The following DNAH3 variants were observed in gnomAD, a reference collection of about 807,000 sequenced individuals.
DNAH3 encodes dynein axonemal heavy chain 3.
DNAH3 carries 332 observed loss-of-function variants against 432.5 expected under a neutral mutation model. That is an observed-to-expected ratio of 0.77 (90% CI 0.70 to 0.84). DNAH3 has a LOEUF of 0.84. Among genes scored for constraint, DNAH3 ranks in the 40% least tolerant of loss-of-function variants. The probability of loss-of-function intolerance (pLI) is 0.00; values close to 1 mark genes in which losing one functional copy is unlikely to be tolerated. For synonymous variants in DNAH3, 1,956 were observed against 1,900.2 expected (o/e 1.03, Z -0.76); for missense variants, 4,861 against 5,114.0 (o/e 0.95, Z 1.51).
intron 39 of DNAH3, among the ~76,000 whole-genome samples, chr16:21,024,190 C>A (rs1225852623): frequency 6.6e-6 from 1 of 152,090 alleles, no homozygotes; most frequent in East Asian, 1.9e-4. Context: ...GTGCAGAGTC[C>A]AGGTTACAGG....
At chr16:21,049,597 G>A (rs373934227) in exon 31 of DNAH3, 21 of 1,613,968 alleles carry the variant, frequency 1.3e-5, no homozygotes, top group African/African-American at 8.0e-5. Flanking sequence ...ATCAAAGCAC[G>A]CCCATGCTCC....
At position 21,120,883 on chromosome 16, in the gene DNAH3, CA is replaced by C. The variant is rs767313255; in HGVS notation, c.1585-30del. 1.9e-5 allele frequency: 30 copies of C among 1,545,846 alleles called. No individual in the cohort carries two copies. In the East Asian group the frequency reaches 6.3e-4, roughly 33 times the overall value. On this transcript the variant is annotated intron_variant, in intron 10 of 61. Transcript: ENST00000261383. ...TCCCCATACATAGTCATCCAAATTA[CA>C]GGGTCTTTTCTTCCATTTCCTTCCT...
rs576429558 is a variant in DNAH3, at chr16:21,000,260, C to T, written c.6385G>A (p.Gly2129Arg). The T allele has an allele frequency of 1.6e-5, 26 of 1,613,956 alleles. No individual in the cohort carries two copies. In the African/African-American group the frequency reaches 2.1e-4, roughly 13 times the overall value. ...ACTGCTTTCTTCCCTATGGGAGGCC[C>T]GAAAAGGCCCTTCCGTCGTCGATCC... Residue 2129 changes from glycine to arginine, a missense_variant, in exon 43 of 62, where the codon GGG becomes AGG. Physicochemically the swap from Gly to Arg is moderately radical, Grantham distance 125. Coordinates refer to ENST00000261383, the Ensembl canonical transcript of DNAH3.
intron 46 of DNAH3, 113 bp downstream of exon 46, chr16:20,987,580 G>A: frequency 2.6e-6 from 4 of 1,532,510 alleles, no homozygotes; most frequent in Non-Finnish European, 3.6e-6. Flanking sequence ...TTAGCACAAT[G>A]CCTAGCATAG....
At chr16:21,038,004 C>A in intron 33 of DNAH3, 24 bp from the exon 34 acceptor site, 2 of 1,604,556 alleles carry the variant, frequency 1.2e-6, no homozygotes, top group South Asian at 1.1e-5. Context: ...GACATGTATG[C>A]GGACACCCAG....
intron 14 of DNAH3, among the ~76,000 whole-genome samples, chr16:21,109,451 TCA>T (rs1255413388): frequency 3.3e-5 from 5 of 152,194 alleles, no homozygotes; most frequent in Non-Finnish European, 5.9e-5. Context: ...GGGAAGATGG[TCA>T]CTAGTATTAT....
chr16:21,113,253 C>G (rs554282746), intron 12 of DNAH3, among the ~76,000 whole-genome samples: 1 of 152,238 alleles, frequency 6.6e-6, no homozygotes, highest in Non-Finnish European at 1.5e-5. Context: ...GTAGTTGAAT[C>G]ATAGGGCTGG....
exon 40 of DNAH3, chr16:21,022,021 G>A (rs756763366): frequency 6.8e-6 from 11 of 1,613,918 alleles, no homozygotes; most frequent in South Asian, 2.2e-5. Flanking sequence ...GTGGATGGGA[G>A]ATGTCTGGAC....
chr16:21,030,983 T>C (rs1272889158), intron 37 of DNAH3, 62 bp downstream of exon 37: 1 of 1,557,668 alleles, frequency 6.4e-7, no homozygotes, highest in African/African-American at 1.4e-5. Context: ...GATCAATCAC[T>C]TACTTCAATA....
chr16:20,980,245 A>AATATACATC (rs2085812772), intron 49 of DNAH3, among the ~76,000 whole-genome samples: 1 of 133,218 alleles, frequency 7.5e-6, no homozygotes, highest in Non-Finnish European at 1.6e-5. Context: ...TTATATATAT[A>AATATACATC]ATATACATCA....
At chr16:20,970,034 G>T in intron 51 of DNAH3, 44 bp from the exon 52 acceptor site, 2 of 1,578,132 alleles carry the variant, frequency 1.3e-6, no homozygotes, top group South Asian at 1.1e-5. Flanking sequence ...CCCAGGGCCT[G>T]GCACAATGGG....
intron 31 of DNAH3, 147 bp from the exon 32 acceptor site, chr16:21,042,350 G>A: frequency 1.3e-6 from 1 of 741,696 alleles, no homozygotes; most frequent in Non-Finnish European, 2.1e-6. Flanking sequence ...ATGATTTGGG[G>A]TTTTGGTAAG....
chr16:21,081,751 A>G (rs777201823), intron 19 of DNAH3, 24 bp from the exon 20 acceptor site: 3 of 1,604,446 alleles, frequency 1.9e-6, no homozygotes, highest in African/African-American at 2.7e-5. Context: ...AGGAAAGCAA[A>G]TGTTTGTTGT....
intron 57 of DNAH3, 72 bp downstream of exon 57, chr16:20,948,411 C>T (rs1041718027): frequency 1.3e-6 from 2 of 1,506,138 alleles, no homozygotes; most frequent in African/African-American, 1.4e-5. Context: ...GGCTACACTG[C>T]AGCCCTGTAG....
chr16:21,050,241 C>T (rs533096350), intron 29 of DNAH3, among the ~76,000 whole-genome samples: 7 of 152,164 alleles, frequency 4.6e-5, no homozygotes, highest in Admixed American at 2.0e-4. Context: ...GTATTTTACT[C>T]GGCATTGTAA....
intron 37 of DNAH3, among the ~76,000 whole-genome samples, chr16:21,029,367 A>G (rs2088753686): frequency 6.6e-6 from 1 of 152,254 alleles, no homozygotes; most frequent in East Asian, 1.9e-4. Context: ...ATGTATATCC[A>G]GTGAAGGAAT....
exon 55 of DNAH3, chr16:20,954,982 C>T (rs1311335583): frequency 6.2e-7 from 1 of 1,614,114 alleles, no homozygotes; most frequent in Non-Finnish European, 8.5e-7. Context: ...CTTTGGGGGG[C>T]TCATTGGTCA....
At position 21,088,923 on chromosome 16, in the gene DNAH3, C is replaced by T. The variant is rs181733121; in HGVS notation, c.2666-1863G>A. Reference sequence around the variant, plus strand: ...CAATGTGAGGCCATGCAATTAACCACGTCTGCCTATTCTAACTCCCCACTA... The same window carrying T: ...CAATGTGAGGCCATGCAATTAACCATGTCTGCCTATTCTAACTCCCCACTA... On this transcript the variant is annotated intron_variant, in intron 18 of 61. Coordinates refer to ENST00000261383, the Ensembl canonical transcript of DNAH3. 4.6e-5 allele frequency among the ~76,000 whole-genome samples: 7 copies of T among 152,282 alleles called. No homozygotes were observed. In the East Asian group the frequency reaches 5.8e-4, roughly 13 times the overall value.
intron 51 of DNAH3, among the ~76,000 whole-genome samples, chr16:20,971,734 A>T (rs2085351629): frequency 6.6e-6 from 1 of 152,186 alleles, no homozygotes; most frequent in East Asian, 1.9e-4. Flanking sequence ...GTTTGGCCTG[A>T]CATTACAGAG....
Sources: gnomAD v4.1 joint callset for allele counts (sites outside exome capture counted in the v4.1 genomes callset) on GRCh38, gnomAD v4.1.1 for gene constraint, MANE v1.5 for transcripts, NCBI Gene and HGNC (gene_info 2026-07-23, HGNC 2026-07-21) for gene names.